The following GPC6 variants were observed in gnomAD, a reference collection of about 807,000 sequenced individuals.
GPC6 encodes glypican 6.
A neutral mutation model predicts 55.2 loss-of-function variants in GPC6; 14 were observed. That is an observed-to-expected ratio of 0.25 (90% CI 0.17 to 0.40). GPC6 has a LOEUF of 0.40. GPC6 is among the 10% of genes least tolerant of loss of function. The pLI, the probability that GPC6 is intolerant of heterozygous loss-of-function variation, is 1.00. For synonymous variants in GPC6, 278 were observed against 259.6 expected (o/e 1.07, Z -0.68); for missense variants, 641 against 708.5 (o/e 0.90, Z 1.08).
intron 1 of GPC6, among the ~76,000 whole-genome samples, chr13:93,363,122 T>TTA (rs1473419465): frequency 6.7e-6 from 1 of 149,268 alleles, no homozygotes; most frequent in Non-Finnish European, 1.5e-5. Context: ...TTTTTGTTTT[T>TTA]TTTTTTGTTT....
In GPC6 at chr13:93,308,860, A is replaced by G. The variant is rs115138060; in HGVS notation, c.160+81244A>G. Among the ~76,000 whole-genome samples, 792 of 152,352 alleles carry G rather than the reference A, an allele frequency of 5.2e-3. 5 individuals carry two copies. The highest frequency in any genetic ancestry group is 0.018 in the African/African-American group (751 of 41,588). On this transcript the variant is annotated intron_variant, in intron 1 of 8. Transcript: ENST00000377047. ...AAAGCAAACTGCAACAATGTTTTAT[A>G]TGTATTTAGTTTATTTCAGTGGGAA...
chr13:94,003,762 A>G (rs1443531203), intron 3 of GPC6, among the ~76,000 whole-genome samples: 5 of 152,132 alleles, frequency 3.3e-5, no homozygotes. Flanking sequence ...TCTAATGACC[A>G]TGGACATTTT....
chr13:93,965,986 A>G (rs1880022639), intron 3 of GPC6, among the ~76,000 whole-genome samples: 1 of 152,112 alleles, frequency 6.6e-6, no homozygotes, highest in Non-Finnish European at 1.5e-5. Flanking sequence ...TCAGCCCAAT[A>G]TCTCCTGCCA....
chr13:93,804,605 G>A (rs1041549040), intron 2 of GPC6, among the ~76,000 whole-genome samples: 1 of 152,004 alleles, frequency 6.6e-6, no homozygotes, highest in Admixed American at 6.6e-5. Flanking sequence ...AAGTTCTTTT[G>A]TACTCCAAGG....
At chr13:93,704,790 T>C (rs1259156415) in intron 2 of GPC6, among the ~76,000 whole-genome samples, 4 of 151,948 alleles carry the variant, frequency 2.6e-5, no homozygotes, top group African/African-American at 7.2e-5. Flanking sequence ...CAAATCTGTC[T>C]CTACCAGCTG....
chr13:93,447,707 CAG>C (rs1878059601), intron 1 of GPC6, among the ~76,000 whole-genome samples: 3 of 152,116 alleles, frequency 2.0e-5, no homozygotes, highest in Admixed American at 2.0e-4. Context: ...TTTCAATTAT[CAG>C]ATGAGTTTAT....
intron 1 of GPC6, among the ~76,000 whole-genome samples, chr13:93,458,194 A>G (rs902494409): frequency 2.6e-5 from 4 of 152,202 alleles, no homozygotes; most frequent in African/African-American, 9.6e-5. Flanking sequence ...GACTGTGATC[A>G]CACATACTGC....
chr13:93,374,458 C>T (rs997920988), intron 1 of GPC6, among the ~76,000 whole-genome samples: 1 of 152,040 alleles, frequency 6.6e-6, no homozygotes, highest in Non-Finnish European at 1.5e-5. Context: ...GAGTCTTTAC[C>T]CTGTGCGGGC....
intron 6 of GPC6, among the ~76,000 whole-genome samples, chr13:94,342,790 T>C (rs932835913): frequency 1.3e-5 from 2 of 152,088 alleles, no homozygotes; most frequent in Non-Finnish European, 2.9e-5. Flanking sequence ...CGGGGTCCCT[T>C]GTGCTTCTCC....
At chr13:93,581,427 C>T (rs545749996) in intron 2 of GPC6, among the ~76,000 whole-genome samples, 7 of 152,172 alleles carry the variant, frequency 4.6e-5, no homozygotes, top group African/African-American at 7.2e-5. Context: ...ATAAAATCTC[C>T]GCCAGGTATT....
chr13:93,276,495 A>AGAGAGAGAGAGT (rs1365006783), intron 1 of GPC6, among the ~76,000 whole-genome samples: 85 of 94,450 alleles, frequency 9.0e-4, no homozygotes, highest in African/African-American at 2.9e-3. Context: ...AGAGAGAGAG[A>AGAGAGAGAGAGT]GTGTGTGTGT....
intron 1 of GPC6, among the ~76,000 whole-genome samples, chr13:93,539,143 T>G (rs1170511621): frequency 6.6e-6 from 1 of 152,140 alleles, no homozygotes; most frequent in Non-Finnish European, 1.5e-5. Flanking sequence ...TTGTGGATAT[T>G]TGATTTTTGT....
intron 6 of GPC6, among the ~76,000 whole-genome samples, chr13:94,362,912 T>C (rs1187732614): frequency 6.6e-6 from 1 of 152,240 alleles, no homozygotes; most frequent in Non-Finnish European, 1.5e-5. Flanking sequence ...CTGGGATACA[T>C]GTGCAGAACG....
At position 93,619,613 on chromosome 13, in the gene GPC6, G is replaced by A. The variant is rs550053275; in HGVS notation, c.319+74192G>A. Among the ~76,000 whole-genome samples the A allele has an allele frequency of 2.6e-5, 4 of 152,102 alleles. No individual in the cohort carries two copies. In the South Asian group the frequency reaches 8.3e-4, roughly 32 times the overall value. ...ACTCCAGATGCACCCCATCATGCCTGGCTAGTTTTTAGAAATGTTTTGGAG... is the reference window on the plus strand; with the variant it reads ...ACTCCAGATGCACCCCATCATGCCTAGCTAGTTTTTAGAAATGTTTTGGAG... On this transcript the variant is annotated intron_variant, in intron 2 of 8. Transcript: ENST00000377047.
At chr13:94,066,251 A>T (rs1432347139) in intron 4 of GPC6, among the ~76,000 whole-genome samples, 1 of 152,178 alleles carries the variant, frequency 6.6e-6, no homozygotes, top group African/African-American at 2.4e-5. Context: ...GTACAGCCTT[A>T]TTATCCAATT....
intron 1 of GPC6, among the ~76,000 whole-genome samples, chr13:93,473,089 TGGG>T (rs1879181646): frequency 6.6e-6 from 1 of 152,168 alleles, no homozygotes; most frequent in Non-Finnish European, 1.5e-5. Context: ...TGGGTGGCCA[TGGG>T]TGGGCCCAGA....
intron 2 of GPC6, among the ~76,000 whole-genome samples, chr13:93,756,294 T>G (rs8000099): frequency 0.67 from 102,124 of 151,926 alleles, 35,327 homozygotes; most frequent in African/African-American, 0.82. Context: ...GAGTAACTTG[T>G]GGTCATTGTG....
At chr13:94,150,131 G>T (rs993348928) in intron 4 of GPC6, among the ~76,000 whole-genome samples, 5 of 151,992 alleles carry the variant, frequency 3.3e-5, no homozygotes, top group African/African-American at 1.2e-4. Flanking sequence ...CCTCTAAGTT[G>T]CTCAAGTATT....
rs150975681 is a variant in GPC6 at position 93,362,588 on chromosome 13, G to A, written c.160+134972G>A. The stretch of plus-strand genomic sequence containing the variant: ...TGGAGTTCTGCTCGAGTACTGTCAG[G>A]CACTTAATATATTCCAAATAAATAT... On this transcript the variant is annotated intron_variant, in intron 1 of 8. Coordinates refer to ENST00000377047, the MANE Select transcript of GPC6 (RefSeq NM_005708.5). Among the ~76,000 whole-genome samples, 3 of 152,202 alleles carry A rather than the reference G, an allele frequency of 2.0e-5. No homozygotes were observed. The East Asian group carries it at 5.8e-4, about 29-fold the overall frequency.
Sources: allele counts gnomAD v4.1 joint callset (sites outside exome capture counted in the v4.1 genomes callset), GRCh38; gene constraint gnomAD v4.1.1; transcripts MANE v1.5; gene names NCBI Gene and HGNC (gene_info 2026-07-23, HGNC 2026-07-21).